The following ACTG1 variants were observed in gnomAD, a reference collection of about 807,000 sequenced individuals.
ACTG1 encodes the protein actin gamma 1.
A neutral mutation model predicts 34.3 loss-of-function variants in ACTG1; 14 were observed. That is an observed-to-expected ratio of 0.41 (90% confidence interval 0.27 to 0.64). The LOEUF (loss-of-function observed/expected upper bound fraction) is 0.64. Among genes scored for constraint, ACTG1 ranks in the 30% least tolerant of loss-of-function variants. The pLI, the probability that ACTG1 is intolerant of heterozygous loss-of-function variation, is 0.33. For synonymous variants in ACTG1, 422 were observed against 213.9 expected (o/e 1.97, Z -8.49); for missense variants, 233 against 529.5 (o/e 0.44, Z 5.50).
At chr17:81,511,160 G>C (rs367545507) in intron 4 of ACTG1, 28 bp downstream of exon 4, 32 of 1,613,644 alleles carry the variant, frequency 2.0e-5, no homozygotes, top group Non-Finnish European at 2.6e-5. Flanking sequence ...GGATGTAAGA[G>C]TAGAAACCTT....
chr17:81,511,267 C>T lies in ACTG1; in HGVS notation c.723G>A (p.Glu241=), dbSNP rs1239227069. 1.2e-6 allele frequency: 2 copies of T among 1,613,810 alleles called. No individual in the cohort carries two copies. The highest frequency in any genetic ancestry group is 2.2e-5 in the East Asian group (1 of 44,888). The change falls in exon 4 of 6, where the codon GAG becomes GAA. Residue 241 remains glutamate (E), a synonymous_variant. Coordinates refer to ENST00000573283, the MANE Select transcript of ACTG1 (RefSeq NM_001614.5). ...ASSSSLEKSY[E]LPDGQVITIG... ...TGGTGATGACCTGGCCATCGGGCAG[C>T]TCGTAGCTCTTCTCCAGAGAAGAGG...
chr17:81,511,122 C>A lies in ACTG1; in HGVS notation c.803-14G>T, dbSNP rs1555666545. The A allele has an allele frequency of 1.2e-6, 2 of 1,613,876 alleles. No homozygotes were observed. Among genetic ancestry groups the A allele is most frequent in the South Asian group, 1.1e-5 (1 of 91,084 alleles). The stretch of plus-strand genomic sequence containing the variant: ...AAGATTCCATACCTAGGGGACAGAG[C>A]CCTCCCTTAGTGATGCTGTGTCACC... On this transcript the variant is annotated splice_polypyrimidine_tract_variant and intron_variant, in intron 4 of 5. Transcript: ENST00000573283.
intron 3 of ACTG1, 122 bp from the exon 4 acceptor site, chr17:81,511,748 A>G (rs1598549579): frequency 6.6e-7 from 1 of 1,525,742 alleles, no homozygotes; most frequent in Non-Finnish European, 8.9e-7. Context: ...CGCAGGCAGA[A>G]ACCAAATGAG....
At position 81,510,259 on chromosome 17, in the gene ACTG1, A is replaced by T. The variant is rs1555666078; in HGVS notation, c.*431T>A. 1 of 535,690 alleles carries T rather than the reference A, an allele frequency of 1.9e-6. No homozygotes were observed. The highest frequency in any genetic ancestry group is 1.6e-5 in the South Asian group (1 of 62,834). The allele number at this position is 535,690 out of a possible 1,614,324, so 33.2% of individuals were successfully genotyped here. ...GACTTTCCAACCCTGACAGACCCGC[A>T]AGACAAAACAACTGGTTCTTGCCAG... On this transcript the variant is annotated 3_prime_UTR_variant, in exon 6 of 6. Coordinates refer to ENST00000573283, the MANE Select transcript of ACTG1 (RefSeq NM_001614.5).
At chr17:81,511,795 G>A (rs530502882) in intron 3 of ACTG1, 108 bp downstream of exon 3, 95 of 1,584,496 alleles carry the variant, frequency 6.0e-5, no homozygotes, top group Non-Finnish European at 7.1e-5. Flanking sequence ...GCCGGGAGAG[G>A]AACAGAGCCT....
rs11549193 is a variant in ACTG1 at position 81,512,250 on chromosome 17, G to A, written c.105C>T (p.Val35=). ...CACTCACCTGGTGTCTGGGGCGCCC[G>A]ACGATGGAAGGAAACACGGCTCGGG... The part of the protein sequence containing the change: ...DAPRAVFPSI[V]GRPRHQGVMV... The change falls in exon 2 of 6, where the codon GTC becomes GTT. Residue 35 remains valine (V), a synonymous_variant. Transcript: ENST00000573283. 8.9e-5 allele frequency: 144 copies of A among 1,613,748 alleles called. 1 individual carries two copies. In the African/African-American group the frequency reaches 1.6e-3, roughly 18 times the overall value.
At chr17:81,511,662 G>C in intron 3 of ACTG1, 36 bp from the exon 4 acceptor site, 2 of 1,598,306 alleles carry the variant, frequency 1.3e-6, no homozygotes, top group Non-Finnish European at 1.7e-6. Context: ...GTCAGGGACA[G>C]AGACCCACGG....
chr17:81,510,229 G>C lies in ACTG1; in HGVS notation c.*461C>G, dbSNP rs1555666070. ...CTAAGAAAGGAAACTGGGTCCTACG[G>C]CTTGGACTTTCCAACCCTGACAGAC... On this transcript the variant is annotated 3_prime_UTR_variant, in exon 6 of 6. Coordinates refer to ENST00000573283, the MANE Select transcript of ACTG1 (RefSeq NM_001614.5). 1 of 513,576 alleles carries C rather than the reference G, an allele frequency of 1.9e-6. No individual in the cohort carries two copies. Among genetic ancestry groups the C allele is most frequent in the Non-Finnish European group, 3.5e-6 (1 of 284,050 alleles). 31.8% of individuals were successfully genotyped at this position (513,576 alleles called of 1,614,324 possible). A position where few individuals can be genotyped will look rare whatever the true frequency, so the allele number is the denominator to read the frequency against.
chr17:81,512,434 C>T, intron 1 of ACTG1, 74 bp from the exon 2 acceptor site: 2 of 1,611,552 alleles, frequency 1.2e-6, no homozygotes, highest in Non-Finnish European at 1.7e-6. Flanking sequence ...CTAATGCCCT[C>T]CCGCGGGGAA....
chr17:81,512,395 C>A, intron 1 of ACTG1, 35 bp from the exon 2 acceptor site: 1 of 1,613,652 alleles, frequency 6.2e-7, no homozygotes, highest in Non-Finnish European at 8.5e-7. Context: ...GCGGGCGCGT[C>A]TGTAACACGG....
chr17:81,511,860 T>C (rs1340163425), intron 3 of ACTG1, 43 bp downstream of exon 3: 4 of 1,611,722 alleles, frequency 2.5e-6, no homozygotes, highest in African/African-American at 1.3e-5. Flanking sequence ...AGAAAATGAC[T>C]GGGGAAAGGA....
chr17:81,511,799 A>T, intron 3 of ACTG1, 104 bp downstream of exon 3: 1 of 1,588,226 alleles, frequency 6.3e-7, no homozygotes, highest in Non-Finnish European at 8.6e-7. Flanking sequence ...GGAGAGGAAC[A>T]GAGCCTGGAA....
intron 1 of ACTG1, 136 bp from the exon 2 acceptor site, chr17:81,512,496 C>T (rs781854628): frequency 1.4e-5 from 20 of 1,436,876 alleles, no homozygotes; most frequent in Non-Finnish European, 1.8e-5. Flanking sequence ...ATCGCAACCG[C>T]CTGGAACCGA....
rs1278512389 is a variant in ACTG1 at position 81,510,398 on chromosome 17, T to C, written c.*292A>G. 1.9e-6 allele frequency: 1 copy of C among 518,632 alleles called. No individual in the cohort carries two copies. Among genetic ancestry groups the C allele is most frequent in the African/African-American group, 1.9e-5 (1 of 52,322 alleles). 32.1% of individuals were successfully genotyped at this position (518,632 alleles called of 1,614,324 possible). ...ACAGACTTGTCTTCCACAAGCACGT[T>C]CTTACCTTAGCCACGAAGTGACCAA... On this transcript the variant is annotated 3_prime_UTR_variant, in exon 6 of 6. Transcript: ENST00000573283.
At chr17:81,512,573 C>T (rs1228774521) in intron 1 of ACTG1, 161 bp downstream of exon 1, 12 of 726,786 alleles carry the variant, frequency 1.7e-5, no homozygotes, top group African/African-American at 7.1e-5. Flanking sequence ...CCGCCCTGGA[C>T]CCCCGGCGCC....
Position 81,511,088 on chromosome 17 carries a change from G to A in ACTG1, c.823C>T (p.His275Tyr), listed in dbSNP as rs2031736094. The change falls in exon 5 of 6, where the codon CAC becomes TAC. Residue 275 changes from histidine to tyrosine, a missense_variant. Coordinates refer to ENST00000573283, the MANE Select transcript of ACTG1 (RefSeq NM_001614.5). ...ATGATGGAGTTGAAGGTGGTCTCGT[G>A]GATGCCGCAAGATTCCATACCTAGG... ...SFLGMESCGI[H>Y]ETTFNSIMKC... 1 of 1,613,894 alleles carries A rather than the reference G, an allele frequency of 6.2e-7. No individual in the cohort carries two copies. The highest frequency in any genetic ancestry group is 1.3e-5 in the African/African-American group (1 of 74,926).
Position 81,512,777 on chromosome 17 carries a change from G to C in ACTG1, c.-50C>G, listed in dbSNP as rs782569038. 10 of 417,426 alleles carry C rather than the reference G, an allele frequency of 2.4e-5. No individual in the cohort carries two copies. Among genetic ancestry groups the C allele is most frequent in the Non-Finnish European group, 3.8e-5 (8 of 212,054 alleles). The allele number at this position is 417,426 out of a possible 1,614,324, so 25.9% of individuals were successfully genotyped here. A position where few individuals can be genotyped will look rare whatever the true frequency, so the allele number is the denominator to read the frequency against. On this transcript the variant is annotated 5_prime_UTR_variant, in exon 1 of 6. Transcript: ENST00000573283. Reference sequence around the variant, plus strand: ...GCGGAGCGGCGGAAGAACAGAGTGCGAGAGCTGGCAGCGGCGACTGAGACC... The same window carrying C: ...GCGGAGCGGCGGAAGAACAGAGTGCCAGAGCTGGCAGCGGCGACTGAGACC...
chr17:81,512,561 C>G lies in ACTG1; in HGVS notation c.-7+173G>C, dbSNP rs2031883232. On this transcript the variant is annotated intron_variant, in intron 1 of 5. Transcript: ENST00000573283. ...CTCGGAAGTCTGCACTGCGGCCGGG[C>G]CCCGCCCTGGACCCCCGGCGCCCCC... 6 of 839,452 alleles carry G rather than the reference C, an allele frequency of 7.1e-6. No individual in the cohort carries two copies. The East Asian group carries it at 1.1e-4, about 15-fold the overall frequency. 52.0% of individuals were successfully genotyped at this position (839,452 alleles called of 1,614,324 possible). A position where few individuals can be genotyped will look rare whatever the true frequency, so the allele number is the denominator to read the frequency against.
intron 1 of ACTG1, 21 bp from the exon 2 acceptor site, chr17:81,512,381 T>C (rs1472950683): frequency 1.9e-6 from 3 of 1,613,654 alleles, no homozygotes; most frequent in African/African-American, 2.7e-5. Flanking sequence ...AAGGATGGAC[T>C]CAGGCGGGCG....
Sources: gnomAD v4.1 joint callset for allele counts on GRCh38, gnomAD v4.1.1 for gene constraint, MANE v1.5 for transcripts, NCBI Gene and HGNC (gene_info 2026-07-23, HGNC 2026-07-21) for gene names.